The following COL23A1 variants were observed in gnomAD, a reference collection of about 807,000 sequenced individuals.
COL23A1 encodes collagen alpha-1(XXIII) chain.
Under a neutral mutation model 99.3 loss-of-function variants are expected in COL23A1, and 97 were observed. The observed-to-expected ratio is 0.98, with a 90% CI of 0.83 to 1.16. The LOEUF (loss-of-function observed/expected upper bound fraction) is 1.16. COL23A1 is among the 50% of genes most tolerant of loss of function. The pLI is 0.00. For missense variants in COL23A1, 762 were observed against 757.4 expected (o/e 1.01, Z -0.07); for synonymous variants, 320 against 308.2 (o/e 1.04, Z -0.40).
At chr5:178,258,456 G>A (rs1765451569) in intron 12 of COL23A1, among the ~76,000 whole-genome samples, 1 of 147,008 alleles carries the variant, frequency 6.8e-6, no homozygotes, top group Non-Finnish European at 1.5e-5. Flanking sequence ...GAGTGCAGTG[G>A]CACAATCTCG....
Position 178,589,879 on chromosome 5 carries a change from C to T in COL23A1, c.294+25G>A, listed in dbSNP as rs1459575428. On this transcript the variant is annotated intron_variant, in intron 1 of 28. Coordinates refer to ENST00000390654, the MANE Select transcript of COL23A1 (RefSeq NM_173465.4). This position sits in a 1 kb window ranked among gnomAD's most constrained non-coding sequence, Gnocchi z 5.4. ...CTCAACCCGACACACCCAAGTCCGC[C>T]CCAGCCACGCGCCAAGACGCTCACC... The T allele has an allele frequency of 5.4e-6, 7 of 1,294,492 alleles. No homozygotes were observed. Among genetic ancestry groups the T allele is most frequent in the Non-Finnish European group, 6.8e-6 (7 of 1,025,250 alleles). The allele number at this position is 1,294,492 out of a possible 1,614,324, so 80.2% of individuals were successfully genotyped here. A position where few individuals can be genotyped will look rare whatever the true frequency, so the allele number is the denominator to read the frequency against.
At chr5:178,459,533 A>G (rs2546631) in intron 2 of COL23A1, among the ~76,000 whole-genome samples, 115,767 of 152,150 alleles carry the variant, frequency 0.76, 44,962 homozygotes, top group Non-Finnish European at 0.84. Context: ...AGGCCAAGGC[A>G]GGTGGATCAC....
chr5:178,282,569 C>T (rs1406738116), intron 5 of COL23A1, among the ~76,000 whole-genome samples: 1 of 152,192 alleles, frequency 6.6e-6, no homozygotes, highest in African/African-American at 2.4e-5. Context: ...AGCCTGGGTG[C>T]TAATCCAGGC....
At position 178,571,337 on chromosome 5, in the gene COL23A1, G is replaced by A. The variant is rs550641150; in HGVS notation, c.295-10589C>T. The stretch of plus-strand genomic sequence containing the variant: ...AGATCGCACCACTGCACTCCAGCCT[G>A]GGTGACAGAGTGATCAAAGTGAGAC... On this transcript the variant is annotated intron_variant, in intron 1 of 28. Coordinates refer to ENST00000390654, the MANE Select transcript of COL23A1 (RefSeq NM_173465.4). Among the ~76,000 whole-genome samples, 9 of 152,166 alleles carry A rather than the reference G, an allele frequency of 5.9e-5. No individual in the cohort carries two copies. The South Asian group carries it at 1.5e-3, about 25-fold the overall frequency.
In COL23A1 at chr5:178,387,351, G is replaced by A. The variant is rs1258864272; in HGVS notation, c.362-80432C>T. Among the ~76,000 whole-genome samples the A allele has an allele frequency of 2.6e-5, 4 of 152,184 alleles. No homozygotes were observed. Among genetic ancestry groups the A allele is most frequent in the East Asian group, 1.9e-4 (1 of 5,174 alleles). ...TGTCCAGCCCTGGTCAAACTGACCC[G>A]CTCACAAGTCTCTAAGACACTGCTG... On this transcript the variant is annotated intron_variant, in intron 2 of 28. Coordinates refer to ENST00000390654, the MANE Select transcript of COL23A1 (RefSeq NM_173465.4). This position sits in a 1 kb window ranked among gnomAD's most constrained non-coding sequence, Gnocchi z 4.7.
rs148133988 is a variant in COL23A1 at position 178,287,743 on chromosome 5, G to A, written c.441+581C>T. Among the ~76,000 whole-genome samples the A allele has an allele frequency of 2.1e-3, 315 of 152,292 alleles. 4 individuals are homozygous for A. The South Asian group carries it at 0.022, about 11-fold the overall frequency. On this transcript the variant is annotated intron_variant, in intron 5 of 28. Coordinates refer to ENST00000390654, the MANE Select transcript of COL23A1 (RefSeq NM_173465.4). The stretch of plus-strand genomic sequence containing the variant: ...CTCTTTCTGACATCCCAGGACCTCC[G>A]GATGCTGCTGCCACGACCCTCAACC...
At chr5:178,379,507 C>A (rs1763259158) in intron 2 of COL23A1, among the ~76,000 whole-genome samples, 3 of 152,136 alleles carry the variant, frequency 2.0e-5, no homozygotes, top group Admixed American at 2.0e-4. Flanking sequence ...TATTTTGGTA[C>A]TTTTTGTATT....
At chr5:178,515,596 C>CA (rs918016785) in intron 2 of COL23A1, among the ~76,000 whole-genome samples, 1 of 152,194 alleles carries the variant, frequency 6.6e-6, no homozygotes, top group African/African-American at 2.4e-5. Flanking sequence ...CCCAGGAAAA[C>CA]AGAAGGCCTT....
At chr5:178,561,448 C>T (rs983010864) in intron 1 of COL23A1, among the ~76,000 whole-genome samples, 1 of 152,188 alleles carries the variant, frequency 6.6e-6, no homozygotes, top group African/African-American at 2.4e-5. Context: ...AGCTCCCCTA[C>T]AATGCAGGGA....
rs149426720 is a variant in COL23A1, at chr5:178,366,986, G to C, written c.362-60067C>G. Reference sequence around the variant, plus strand: ...GTCTCCTACGGACCTGGAATGGGGTGGTCATTTGGTGCGTGTTTGTTGAAA... The same window carrying C: ...GTCTCCTACGGACCTGGAATGGGGTCGTCATTTGGTGCGTGTTTGTTGAAA... On this transcript the variant is annotated intron_variant, in intron 2 of 28. Coordinates refer to ENST00000390654, the MANE Select transcript of COL23A1 (RefSeq NM_173465.4). This position sits in a 1 kb window ranked among gnomAD's most constrained non-coding sequence, Gnocchi z 4.4. 3.8e-3 allele frequency among the ~76,000 whole-genome samples: 576 copies of C among 152,270 alleles called. 3 individuals are homozygous for C. Among genetic ancestry groups the C allele is most frequent in the African/African-American group, 0.013 (537 of 41,548 alleles).
chr5:178,255,987 TG>T lies in COL23A1; in HGVS notation c.882+365del. Reference sequence around the variant, plus strand: ...GGCAGGGACAAACCTCCCTGTGGGGTGGGGAAAAGGCAAGGCCTGGCCCACT... The same window carrying T: ...GGCAGGGACAAACCTCCCTGTGGGGTGGGAAAAGGCAAGGCCTGGCCCACT... On this transcript the variant is annotated intron_variant, in intron 15 of 28. Coordinates refer to ENST00000390654, the MANE Select transcript of COL23A1 (RefSeq NM_173465.4). The surrounding 1 kb of genome is among the most constrained non-coding windows in gnomAD (Gnocchi z 4.2). 4.4e-6 allele frequency: 1 copy of T among 228,870 alleles called. No individual in the cohort carries two copies. The highest frequency in any genetic ancestry group is 9.1e-6 in the Non-Finnish European group (1 of 110,292). The allele number at this position is 228,870 out of a possible 1,614,324, so 14.2% of individuals were successfully genotyped here.
intron 2 of COL23A1, among the ~76,000 whole-genome samples, chr5:178,503,958 G>A (rs1758723253): frequency 6.6e-6 from 1 of 152,034 alleles, no homozygotes; most frequent in Non-Finnish European, 1.5e-5. Flanking sequence ...CAGGTCCTCG[G>A]GTGTTCATGA....
chr5:178,349,267 T>G (rs1162538395), intron 2 of COL23A1, among the ~76,000 whole-genome samples: 1 of 152,026 alleles, frequency 6.6e-6, no homozygotes, highest in East Asian at 1.9e-4. Flanking sequence ...GGCAGCTGGG[T>G]GAGGGGAACC....
intron 2 of COL23A1, among the ~76,000 whole-genome samples, chr5:178,480,349 CG>C (rs1484323623): frequency 6.6e-6 from 1 of 152,072 alleles, no homozygotes; most frequent in Non-Finnish European, 1.5e-5. Flanking sequence ...CTGGATCCAC[CG>C]GTCACCTCGG....
rs187426753 is a variant in COL23A1, at chr5:178,280,591, C to T, written c.441+7733G>A. ...TTGCTTCGAAGACCTGGGCTTGGCT[C>T]GGTGACTTTGTGCAGGTCTGTGAAC... On this transcript the variant is annotated intron_variant, in intron 5 of 28. Transcript: ENST00000390654. This position sits in a 1 kb window ranked among gnomAD's most constrained non-coding sequence, Gnocchi z 4.9. Among the ~76,000 whole-genome samples the T allele has an allele frequency of 5.3e-5, 8 of 152,208 alleles. No individual in the cohort carries two copies. In the South Asian group the frequency reaches 1.0e-3, roughly 20 times the overall value.
intron 2 of COL23A1, among the ~76,000 whole-genome samples, chr5:178,370,676 C>A (rs769003635): frequency 6.6e-6 from 1 of 152,026 alleles, no homozygotes; most frequent in Admixed American, 6.6e-5. Flanking sequence ...CTGGGTAACA[C>A]GGTGAGACCC....
At chr5:178,581,512 G>A (rs1012220880) in intron 1 of COL23A1, among the ~76,000 whole-genome samples, 8 of 150,722 alleles carry the variant, frequency 5.3e-5, no homozygotes, top group African/African-American at 2.0e-4. Context: ...GTTGCAGTGA[G>A]CCAAGATCAT....
At chr5:178,489,833 C>T (rs1757833316) in intron 2 of COL23A1, among the ~76,000 whole-genome samples, 1 of 152,176 alleles carries the variant, frequency 6.6e-6, no homozygotes, top group Non-Finnish European at 1.5e-5. Flanking sequence ...TTCCTAACAG[C>T]ACTATTTACA....
chr5:178,288,182 G>A (rs941325182), intron 5 of COL23A1, 142 bp downstream of exon 5: 3 of 832,690 alleles, frequency 3.6e-6, no homozygotes, highest in Non-Finnish European at 6.4e-6. Context: ...CAGAGCTCAC[G>A]CTAATCGCCT....
Sources: gnomAD v4.1 joint callset for allele counts (sites outside exome capture counted in the v4.1 genomes callset) on GRCh38, gnomAD v4.1.1 for gene constraint, Gnocchi (gnomAD v3.1) non-coding constraint, MANE v1.5 for transcripts, NCBI Gene and HGNC (gene_info 2026-07-23, HGNC 2026-07-21) for gene names.